Variants in CPQ observed in about 807,000 individuals in gnomAD.
The protein encoded by CPQ is carboxypeptidase Q.
CPQ carries 37 observed loss-of-function variants against 45.7 expected under a neutral mutation model. The observed-to-expected ratio is 0.81, with a 90% CI of 0.62 to 1.07. The LOEUF (loss-of-function observed/expected upper bound fraction) is 1.07, where lower values mean the gene tolerates loss of function less well. Among genes scored for constraint, CPQ ranks in the 50% least tolerant of loss-of-function variants. The probability of loss-of-function intolerance (pLI) is 0.00; values close to 1 mark genes in which losing one functional copy is unlikely to be tolerated. For missense variants in CPQ, 537 were observed against 572.9 expected (o/e 0.94, Z 0.64); for synonymous variants, 186 against 205.8 (o/e 0.90, Z 0.82).
At chr8:96,708,448 T>A (rs891761022) in intron 1 of CPQ, among the ~76,000 whole-genome samples, 12 of 151,570 alleles carry the variant, frequency 7.9e-5, no homozygotes, top group Non-Finnish European at 1.5e-4. Context: ...TATATATATA[T>A]ATATATATAT....
chr8:96,671,077 A>G (rs529688304), intron 1 of CPQ, among the ~76,000 whole-genome samples: 1 of 152,342 alleles, frequency 6.6e-6, no homozygotes, highest in Non-Finnish European at 1.5e-5. Context: ...ATTCTTTCTT[A>G]TAACTCAATG....
At chr8:96,947,435 G>A (rs1266505858) in intron 4 of CPQ, among the ~76,000 whole-genome samples, 2 of 152,102 alleles carry the variant, frequency 1.3e-5, no homozygotes, top group Non-Finnish European at 1.5e-5. Flanking sequence ...CTGTCATTAT[G>A]TCAGTACCAT....
At chr8:96,725,206 TG>T (rs1348824286) in intron 1 of CPQ, among the ~76,000 whole-genome samples, 1 of 151,986 alleles carries the variant, frequency 6.6e-6, no homozygotes, top group African/African-American at 2.4e-5. Context: ...CAAAAACAAT[TG>T]CAACAAAAAC....
intron 4 of CPQ, among the ~76,000 whole-genome samples, chr8:96,936,452 G>A (rs1286577305): frequency 2.0e-5 from 3 of 152,164 alleles, no homozygotes; most frequent in Non-Finnish European, 4.4e-5. Flanking sequence ...ACAGAATTCA[G>A]TAAGGCCATC....
At chr8:97,067,997 A>C (rs2513399) in intron 7 of CPQ, among the ~76,000 whole-genome samples, 50,496 of 152,088 alleles carry the variant, frequency 0.33, 10,341 homozygotes, top group East Asian at 0.5. Context: ...TGAGGAAAAG[A>C]CTGGTAGACT....
At chr8:96,857,303 C>G (rs1247478306) in intron 3 of CPQ, among the ~76,000 whole-genome samples, 2 of 152,190 alleles carry the variant, frequency 1.3e-5, no homozygotes, top group Non-Finnish European at 2.9e-5. Flanking sequence ...CGAGGGGCAT[C>G]TGCATGTTTA....
intron 1 of CPQ, among the ~76,000 whole-genome samples, chr8:96,777,886 G>A (rs1481176438): frequency 2.9e-5 from 4 of 138,000 alleles, no homozygotes; most frequent in South Asian, 2.5e-4. Flanking sequence ...CCTCCACCAC[G>A]CCCAGCTAAT....
intron 4 of CPQ, among the ~76,000 whole-genome samples, chr8:96,959,585 C>G (rs549037223): frequency 1.3e-5 from 2 of 152,250 alleles, no homozygotes; most frequent in East Asian, 3.9e-4. Flanking sequence ...TTTGCACTTT[C>G]TTTTGCTGTT....
rs148181837 is a variant in CPQ at position 96,706,418 on chromosome 8, TG to T, written c.-35+61018del. Among the ~76,000 whole-genome samples the T allele has an allele frequency of 6.9e-3, 1,056 of 152,216 alleles. 12 individuals carry two copies. The highest frequency in any genetic ancestry group is 0.024 in the African/African-American group (1,003 of 41,538). ...AGCATCAACATGACCTGCATAGGGC[TG>T]GAGAAGAGTGCAGTTAGCCCTTGAG... On this transcript the variant is annotated intron_variant, in intron 1 of 7. Coordinates refer to ENST00000220763, the MANE Select transcript of CPQ (RefSeq NM_016134.4).
intron 6 of CPQ, among the ~76,000 whole-genome samples, chr8:97,054,165 T>G (rs1035894118): frequency 1.3e-4 from 19 of 151,974 alleles, no homozygotes; most frequent in African/African-American, 4.4e-4. Context: ...AACAAACATA[T>G]GAAAAAATGT....
intron 2 of CPQ, among the ~76,000 whole-genome samples, chr8:96,827,414 T>A (rs565684760): frequency 6.6e-6 from 1 of 152,250 alleles, no homozygotes; most frequent in South Asian, 2.1e-4. Flanking sequence ...ATATAGGACC[T>A]AAATTATTGC....
At chr8:96,834,255 C>T (rs1305909714) in intron 2 of CPQ, among the ~76,000 whole-genome samples, 2 of 152,140 alleles carry the variant, frequency 1.3e-5, no homozygotes, top group African/African-American at 4.8e-5. Context: ...GACATCTCTT[C>T]TAACAAAGAC....
At chr8:97,056,021 C>T (rs555630159) in intron 6 of CPQ, among the ~76,000 whole-genome samples, 1 of 152,120 alleles carries the variant, frequency 6.6e-6, no homozygotes, top group South Asian at 2.1e-4. Context: ...ATTGCTTGAG[C>T]CTGGGAAGCC....
chr8:96,954,851 GT>G lies in CPQ; in HGVS notation c.850-11077del, dbSNP rs1361495869. Among the ~76,000 whole-genome samples the G allele has an allele frequency of 6.6e-5, 10 of 151,822 alleles. No individual in the cohort carries two copies. In the East Asian group the frequency reaches 1.5e-3, roughly 24 times the overall value. ...TATGAGTGAGAACATGCGGTGTTTG[GT>G]TTTTTTGTCCTTGTGATAGTTTGCT... On this transcript the variant is annotated intron_variant, in intron 4 of 7. Transcript: ENST00000220763.
intron 3 of CPQ, among the ~76,000 whole-genome samples, chr8:96,854,873 G>A (rs1811826045): frequency 6.6e-6 from 1 of 152,152 alleles, no homozygotes; most frequent in East Asian, 1.9e-4. Context: ...CAAATGCAAA[G>A]GCAGGAAACA....
rs533551384 is a variant in CPQ, at chr8:96,809,723, A to G, written c.433+24393A>G. On this transcript the variant is annotated intron_variant, in intron 2 of 7. Transcript: ENST00000220763. ...TATGGAATTGTATACTGAAAAATTG[A>G]TCAATTTCATTATACATAAATTATA... Among the ~76,000 whole-genome samples the G allele has an allele frequency of 1.1e-3, 173 of 152,256 alleles. 2 individuals are homozygous for G. The highest frequency in any genetic ancestry group is 3.9e-3 in the African/African-American group (164 of 41,548).
At chr8:97,100,581 T>G (rs1469457491) in intron 7 of CPQ, among the ~76,000 whole-genome samples, 1 of 152,194 alleles carries the variant, frequency 6.6e-6, no homozygotes, top group Non-Finnish European at 1.5e-5. Flanking sequence ...ATTCAATAGC[T>G]GAATAAATCA....
intron 1 of CPQ, among the ~76,000 whole-genome samples, chr8:96,750,022 A>C (rs1286601584): frequency 6.6e-6 from 1 of 152,058 alleles, no homozygotes; most frequent in Non-Finnish European, 1.5e-5. Flanking sequence ...ATGTAGAGAT[A>C]TATTTATAGA....
chr8:97,089,824 C>A (rs973025288), intron 7 of CPQ, among the ~76,000 whole-genome samples: 6 of 152,226 alleles, frequency 3.9e-5, no homozygotes, highest in African/African-American at 9.6e-5. Context: ...ATGTGGTTAA[C>A]AATCTCCTGT....
Sources: gnomAD v4.1 joint callset for allele counts (sites outside exome capture counted in the v4.1 genomes callset) on GRCh38, gnomAD v4.1.1 for gene constraint, MANE v1.5 for transcripts, NCBI Gene and HGNC (gene_info 2026-07-23, HGNC 2026-07-21) for gene names.